Variants in HDAC9 observed in about 807,000 individuals in gnomAD.
HDAC9 encodes the protein histone deacetylase 9.
A neutral mutation model predicts 139.4 loss-of-function variants in HDAC9; 41 were observed. The ratio of observed to expected loss-of-function variants is 0.29; its 90% CI spans 0.23 to 0.38. The LOEUF (loss-of-function observed/expected upper bound fraction) is 0.38, where lower values mean the gene tolerates loss of function less well. HDAC9 is among the 10% of genes least tolerant of loss of function. The pLI, the probability that HDAC9 is intolerant of heterozygous loss-of-function variation, is 1.00. For synonymous variants in HDAC9, 517 were observed against 476.2 expected (o/e 1.09, Z -1.12); for missense variants, 1,147 against 1,297.0 (o/e 0.88, Z 1.78).
chr7:18,376,833 G>C (rs954616453), intron 1 of HDAC9, among the ~76,000 whole-genome samples: 3 of 152,126 alleles, frequency 2.0e-5, no homozygotes, highest in African/African-American at 7.2e-5. Flanking sequence ...TTAGGCTGCT[G>C]TAATAGACTG....
At chr7:18,571,481 A>G (rs951107094) in intron 2 of HDAC9, among the ~76,000 whole-genome samples, 4 of 152,296 alleles carry the variant, frequency 2.6e-5, no homozygotes, top group East Asian at 1.9e-4. Context: ...CTGGTTTTAT[A>G]TGTTGGAACT....
chr7:18,606,620 A>T (rs1835583925), intron 6 of HDAC9, among the ~76,000 whole-genome samples: 1 of 152,200 alleles, frequency 6.6e-6, no homozygotes, highest in Admixed American at 6.5e-5. Context: ...AAGGTATGAA[A>T]ATCAAACCAA....
chr7:18,276,371 C>G (rs371525440), intron 2 of HDAC9, among the ~76,000 whole-genome samples: 2 of 152,132 alleles, frequency 1.3e-5, no homozygotes, highest in Non-Finnish European at 2.9e-5. Flanking sequence ...TTATATGGAA[C>G]CTTAGAAAAA....
At chr7:18,981,596 C>T (rs569219179) in intron 25 of HDAC9, among the ~76,000 whole-genome samples, 2 of 152,176 alleles carry the variant, frequency 1.3e-5, no homozygotes, top group African/African-American at 2.4e-5. Flanking sequence ...GGCTCATGAC[C>T]CCTTCTTCCA....
chr7:18,769,985 C>T (rs898924895), intron 16 of HDAC9, among the ~76,000 whole-genome samples: 13 of 152,136 alleles, frequency 8.5e-5, no homozygotes, highest in African/African-American at 2.9e-4. Context: ...GAATATATAA[C>T]TTCATTCTAG....
intron 17 of HDAC9, among the ~76,000 whole-genome samples, chr7:18,808,967 G>A (rs1422329976): frequency 6.6e-6 from 1 of 152,044 alleles, no homozygotes; most frequent in East Asian, 1.9e-4. Flanking sequence ...AATCAGAACA[G>A]TATGATCCTG....
intron 2 of HDAC9, among the ~76,000 whole-genome samples, chr7:18,557,310 G>T (rs1474564012): frequency 6.6e-6 from 1 of 150,808 alleles, no homozygotes; most frequent in Admixed American, 6.6e-5. Context: ...TTTTATCCTG[G>T]GGCTTTGACA....
intron 2 of HDAC9, among the ~76,000 whole-genome samples, chr7:18,550,648 A>G (rs1229815987): frequency 1.3e-5 from 2 of 152,180 alleles, no homozygotes; most frequent in Admixed American, 6.6e-5. Context: ...AGAAACTGTA[A>G]GGAATTTTGC....
intron 1 of HDAC9, among the ~76,000 whole-genome samples, chr7:18,148,155 G>A (rs1044864777): frequency 2.7e-4 from 41 of 152,192 alleles, no homozygotes; most frequent in African/African-American, 8.9e-4. Flanking sequence ...ATTATCCTAA[G>A]TGTGCTGGCT....
At chr7:18,162,796 C>A (rs1787730303) in intron 2 of HDAC9, among the ~76,000 whole-genome samples, 1 of 152,130 alleles carries the variant, frequency 6.6e-6, no homozygotes, top group African/African-American at 2.4e-5. Context: ...TCCTCCCCAC[C>A]CTTCTTTGCT....
chr7:18,678,544 T>C (rs553311151), intron 12 of HDAC9, among the ~76,000 whole-genome samples: 1 of 152,012 alleles, frequency 6.6e-6, no homozygotes, highest in Admixed American at 6.6e-5. Context: ...TTTCCATTGC[T>C]GTACACATCT....
At chr7:18,981,337 G>T (rs1784936782) in intron 25 of HDAC9, among the ~76,000 whole-genome samples, 1 of 152,174 alleles carries the variant, frequency 6.6e-6, no homozygotes, top group South Asian at 2.1e-4. Flanking sequence ...CAGATAAAGT[G>T]TTAGGGGCCA....
At chr7:18,983,398 G>A (rs137887014) in intron 25 of HDAC9, among the ~76,000 whole-genome samples, 59 of 152,268 alleles carry the variant, frequency 3.9e-4, no homozygotes, top group African/African-American at 1.3e-3. Flanking sequence ...GTGAATGAAT[G>A]CTGCTGTGAA....
chr7:18,227,023 G>A (rs1371019783), intron 2 of HDAC9, among the ~76,000 whole-genome samples: 1 of 152,178 alleles, frequency 6.6e-6, no homozygotes, highest in Non-Finnish European at 1.5e-5. Context: ...GTTTGTGGGA[G>A]GGGACGTGTA....
intron 2 of HDAC9, among the ~76,000 whole-genome samples, chr7:18,255,062 T>A (rs1484199244): frequency 6.6e-6 from 1 of 152,232 alleles, no homozygotes; most frequent in South Asian, 2.1e-4. Context: ...AACCCTTTTT[T>A]ATTTATATCA....
chr7:18,948,840 C>T (rs1782586784), intron 23 of HDAC9: 1 of 181,888 alleles, frequency 5.5e-6, no homozygotes, highest in Non-Finnish European at 1.2e-5. Context: ...AGGTGGATAT[C>T]AAATGATAGA....
intron 2 of HDAC9, among the ~76,000 whole-genome samples, chr7:18,498,328 C>A (rs1306928803): frequency 6.6e-6 from 1 of 152,000 alleles, no homozygotes; most frequent in African/African-American, 2.4e-5. Flanking sequence ...AAATATGATA[C>A]CTAGATTCCA....
intron 1 of HDAC9, among the ~76,000 whole-genome samples, chr7:18,106,484 A>C (rs942131223): frequency 6.7e-6 from 1 of 150,342 alleles, no homozygotes; most frequent in African/African-American, 2.5e-5. Context: ...ATGGAGTCCC[A>C]CTCTGTCTCC....
chr7:18,602,776 T>A (rs1040436159), intron 6 of HDAC9, among the ~76,000 whole-genome samples: 3 of 152,224 alleles, frequency 2.0e-5, no homozygotes, highest in African/African-American at 2.4e-5. Flanking sequence ...GTTATTTATT[T>A]TAATCTTTCT....
Sources: allele counts gnomAD v4.1 joint callset (sites outside exome capture counted in the v4.1 genomes callset), GRCh38; gene constraint gnomAD v4.1.1; transcripts MANE v1.5; gene names NCBI Gene and HGNC (gene_info 2026-07-23, HGNC 2026-07-21).